ADK: variants seen among roughly 807,000 people sequenced by gnomAD.
ADK encodes adenosine kinase, also known as N6,N6-dimethyladenosine kinase.
In ADK, 24 loss-of-function variants were observed where a neutral mutation model predicts 44.7. The observed-to-expected ratio is 0.54, with a 90% confidence interval of 0.39 to 0.76. The LOEUF is 0.76. Ranked by LOEUF, ADK falls within the 30% of genes least tolerant of loss-of-function variation. The probability of loss-of-function intolerance (pLI) is 0.00; values close to 1 mark genes in which losing one functional copy is unlikely to be tolerated. For synonymous variants in ADK, 128 were observed against 142.6 expected (o/e 0.90, Z 0.73); for missense variants, 321 against 425.1 (o/e 0.76, Z 2.15).
At chr10:74,587,683 A>G (rs1273423062) in intron 7 of ADK, among the ~76,000 whole-genome samples, 1 of 151,678 alleles carries the variant, frequency 6.6e-6, no homozygotes, top group African/African-American at 2.4e-5. Flanking sequence ...CTTGGCAAAG[A>G]TAATTTTGGA....
intron 1 of ADK, among the ~76,000 whole-genome samples, chr10:74,186,299 C>T (rs1314829650): frequency 1.3e-5 from 2 of 151,078 alleles, no homozygotes; most frequent in African/African-American, 4.9e-5. Flanking sequence ...CCTTTCCTTT[C>T]CACAGGGTCT....
At chr10:74,176,673 G>C in intron 1 of ADK, 14 of 1,429,760 alleles carry the variant, frequency 9.8e-6, no homozygotes, top group Non-Finnish European at 1.1e-5. Flanking sequence ...CCCTTCGCAC[G>C]GGGCGGAGCG....
At chr10:74,241,549 C>A (rs1845209293) in intron 3 of ADK, among the ~76,000 whole-genome samples, 1 of 152,094 alleles carries the variant, frequency 6.6e-6, no homozygotes, top group South Asian at 2.1e-4. Flanking sequence ...CCATGACCGG[C>A]AAATTTTTGT....
intron 10 of ADK, among the ~76,000 whole-genome samples, chr10:74,680,251 C>T (rs1855555201): frequency 6.8e-6 from 1 of 146,788 alleles, no homozygotes; most frequent in Non-Finnish European, 1.5e-5. Context: ...GGAGGCAGAG[C>T]TTGCAGTGAG....
chr10:74,518,826 CT>C (rs1848697975), intron 6 of ADK, among the ~76,000 whole-genome samples: 1 of 151,990 alleles, frequency 6.6e-6, no homozygotes, highest in Non-Finnish European at 1.5e-5. Context: ...CCCTTATAAT[CT>C]TTTTTACTAT....
At chr10:74,188,078 A>AG (rs1842821064) in intron 1 of ADK, among the ~76,000 whole-genome samples, 1 of 152,212 alleles carries the variant, frequency 6.6e-6, no homozygotes, top group South Asian at 2.1e-4. Context: ...ATAAGCATTC[A>AG]GGTTCTTCAC....
In ADK at chr10:74,594,273, G is replaced by A. The variant is rs916167074; in HGVS notation, c.762+4956G>A. Among the ~76,000 whole-genome samples, 5 of 151,834 alleles carry A rather than the reference G, an allele frequency of 3.3e-5. No individual in the cohort carries two copies. The South Asian group carries it at 8.3e-4, about 25-fold the overall frequency. ...TGGCTGCAGCAAACCACCATGGCAC[G>A]CGTATACCTCTGTAACAAAGCTGCA... On this transcript the variant is annotated intron_variant, in intron 8 of 10. Transcript: ENST00000539909.
chr10:74,179,296 A>C (rs933725084), intron 1 of ADK, among the ~76,000 whole-genome samples: 2 of 152,192 alleles, frequency 1.3e-5, no homozygotes. Context: ...ACATGTTCCT[A>C]TCAGAGGCAT....
intron 3 of ADK, among the ~76,000 whole-genome samples, chr10:74,229,692 CG>C (rs1844681759): frequency 6.6e-6 from 1 of 152,074 alleles, no homozygotes; most frequent in South Asian, 2.1e-4. Context: ...CCACCGCGCC[CG>C]GTCTGGTATG....
intron 3 of ADK, among the ~76,000 whole-genome samples, chr10:74,257,850 T>C (rs972952179): frequency 1.3e-5 from 2 of 152,228 alleles, no homozygotes; most frequent in East Asian, 3.8e-4. Context: ...GTTTATGAAT[T>C]ATTCACTGCA....
intron 8 of ADK, among the ~76,000 whole-genome samples, chr10:74,590,604 G>A (rs185836165): frequency 6.6e-6 from 1 of 152,210 alleles, no homozygotes; most frequent in East Asian, 1.9e-4. Context: ...TCAATTATTA[G>A]GAGCTGTGAT....
At chr10:74,581,075 CGAA>C (rs1193346518) in intron 7 of ADK, among the ~76,000 whole-genome samples, 1 of 150,370 alleles carries the variant, frequency 6.7e-6, no homozygotes, top group Admixed American at 6.6e-5. Context: ...ACCATTCATG[CGAA>C]GAAGCAGGAA....
intron 6 of ADK, among the ~76,000 whole-genome samples, chr10:74,504,774 T>C (rs1013865432): frequency 7.9e-5 from 12 of 152,100 alleles, no homozygotes; most frequent in African/African-American, 2.7e-4. Flanking sequence ...TTATAAGTGT[T>C]TGACAGTTCC....
intron 9 of ADK, among the ~76,000 whole-genome samples, chr10:74,649,744 T>C (rs1390755249): frequency 6.6e-6 from 1 of 152,184 alleles, no homozygotes; most frequent in Non-Finnish European, 1.5e-5. Context: ...TTTTAATGTA[T>C]AGTCAAGAAG....
At chr10:74,343,942 A>T (rs1026934792) in intron 4 of ADK, among the ~76,000 whole-genome samples, 4 of 152,152 alleles carry the variant, frequency 2.6e-5, no homozygotes, top group African/African-American at 9.7e-5. Flanking sequence ...TGAGATGATC[A>T]TGTAATTTTG....
chr10:74,548,983 T>C (rs993449687), intron 7 of ADK, among the ~76,000 whole-genome samples: 1 of 152,248 alleles, frequency 6.6e-6, no homozygotes, highest in Non-Finnish European at 1.5e-5. Flanking sequence ...GACTGTTATG[T>C]GCCACATGCA....
At chr10:74,441,786 A>G (rs1453696781) in intron 6 of ADK, among the ~76,000 whole-genome samples, 1 of 152,222 alleles carries the variant, frequency 6.6e-6, no homozygotes, top group Non-Finnish European at 1.5e-5. Context: ...ACAGAATGGG[A>G]GAAAATATTT....
At chr10:74,651,383 A>C (rs1854269802) in intron 9 of ADK, among the ~76,000 whole-genome samples, 1 of 152,102 alleles carries the variant, frequency 6.6e-6, no homozygotes, top group African/African-American at 2.4e-5. Context: ...CCAGATGAAA[A>C]ATTTTAGAAA....
intron 1 of ADK, among the ~76,000 whole-genome samples, chr10:74,158,753 C>T (rs1471692785): frequency 6.6e-6 from 1 of 152,208 alleles, no homozygotes; most frequent in Non-Finnish European, 1.5e-5. Flanking sequence ...AATAATTTCT[C>T]ATCAGAGTTA....
Sources: gnomAD v4.1 joint callset for allele counts (sites outside exome capture counted in the v4.1 genomes callset) on GRCh38, gnomAD v4.1.1 for gene constraint, MANE v1.5 for transcripts, NCBI Gene and HGNC (gene_info 2026-07-23, HGNC 2026-07-21) for gene names.